The following TP53BP1 variants were observed in gnomAD, a reference collection of about 807,000 sequenced individuals.
TP53BP1 encodes the protein TP53-binding protein 1.
TP53BP1 carries 61 observed loss-of-function variants against 200.8 expected under a neutral mutation model. The observed-to-expected ratio is 0.30, with a 90% confidence interval of 0.25 to 0.38. The LOEUF is 0.38. TP53BP1 is among the 10% of genes least tolerant of loss of function. The pLI is 1.00. For synonymous variants in TP53BP1, 822 were observed against 844.3 expected (o/e 0.97, Z 0.46); for missense variants, 2,144 against 2,371.9 (o/e 0.90, Z 2.00).
chr15:43,481,476 C>CAG lies in TP53BP1; in HGVS notation c.372-455_372-454insCT, dbSNP rs534817113. 5.4e-4 allele frequency among the ~76,000 whole-genome samples: 81 copies of CAG among 151,084 alleles called. 2 individuals carry two copies. The East Asian group carries it at 0.016, about 29-fold the overall frequency. On this transcript the variant is annotated intron_variant, in intron 4 of 27. Transcript: ENST00000382044. ...GTATATAAATACACACACACACACA[C>CAG]ACACACACACACACACTTTTTATTT...
At chr15:43,454,196 T>C (rs1221005491) in intron 12 of TP53BP1, among the ~76,000 whole-genome samples, 1 of 150,964 alleles carries the variant, frequency 6.6e-6, no homozygotes, top group African/African-American at 2.4e-5. Flanking sequence ...AGAGCAAGAC[T>C]CCACATCTCA....
chr15:43,509,876 CA>C (rs373145185), intron 1 of TP53BP1, among the ~76,000 whole-genome samples: 1 of 151,716 alleles, frequency 6.6e-6, no homozygotes, highest in South Asian at 2.1e-4. Context: ...AACAAAAAAA[CA>C]AAAAAACAAG....
At chr15:43,483,713 G>A (rs544590881) in intron 4 of TP53BP1, among the ~76,000 whole-genome samples, 1 of 152,304 alleles carries the variant, frequency 6.6e-6, no homozygotes, top group Admixed American at 6.5e-5. Flanking sequence ...GGAAGGACCA[G>A]ATAAATGACT....
intron 18 of TP53BP1, among the ~76,000 whole-genome samples, chr15:43,425,307 C>T (rs2045502270): frequency 6.6e-6 from 1 of 152,178 alleles, no homozygotes; most frequent in Non-Finnish European, 1.5e-5. Context: ...CAGAAATATA[C>T]TTTAGAAAGC....
In TP53BP1 at chr15:43,420,301, T is replaced by C; in HGVS notation, c.4681+4A>G. 6.2e-7 allele frequency: 1 copy of C among 1,610,716 alleles called. No individual in the cohort carries two copies. Among genetic ancestry groups the C allele is most frequent in the Admixed American group, 1.7e-5 (1 of 59,808 alleles). On this transcript the variant is annotated splice_donor_region_variant and intron_variant, in intron 21 of 27. Transcript: ENST00000382044. ...ATCTCTACAAACTCTGCTTCTTTCATTACCTGCACTGAAATACTCATCCTC... is the reference window on the plus strand; with the variant it reads ...ATCTCTACAAACTCTGCTTCTTTCACTACCTGCACTGAAATACTCATCCTC...
rs371521709 is a variant in TP53BP1, at chr15:43,407,381, C to T, written c.*2G>A. On this transcript the variant is annotated 3_prime_UTR_variant, in exon 28 of 28. Transcript: ENST00000382044. ...GAATAAAACCAGTAAGACCAAGTAT[C>T]TTTAGTGAGAAACATAATCGTGTTT... 6.2e-7 allele frequency: 1 copy of T among 1,613,788 alleles called. No individual in the cohort carries two copies. Among genetic ancestry groups the T allele is most frequent in the Non-Finnish European group, 8.5e-7 (1 of 1,179,812 alleles).
At chr15:43,481,928 TTAAAA>T (rs1461068643) in intron 4 of TP53BP1, among the ~76,000 whole-genome samples, 2 of 151,788 alleles carry the variant, frequency 1.3e-5, no homozygotes, top group Non-Finnish European at 2.9e-5. Context: ...CCATATATTT[TTAAAA>T]TAAGTTAACA....
chr15:43,453,193 CAAAAAAAAAAA>C (rs34555611), intron 12 of TP53BP1, among the ~76,000 whole-genome samples: 4 of 41,430 alleles, frequency 9.7e-5, no homozygotes, highest in Admixed American at 6.1e-4. Context: ...GACTCCGTCT[CAAAAAAAAAAA>C]AAAAAAAAAA....
chr15:43,505,296 G>A (rs1403348467), intron 1 of TP53BP1, among the ~76,000 whole-genome samples: 1 of 152,120 alleles, frequency 6.6e-6, no homozygotes, highest in African/African-American at 2.4e-5. Context: ...TGAAAACTAA[G>A]TTATATAGTT....
intron 4 of TP53BP1, among the ~76,000 whole-genome samples, chr15:43,484,771 G>T (rs1452628680): frequency 6.2e-5 from 9 of 145,916 alleles, no homozygotes; most frequent in African/African-American, 2.1e-4. Context: ...TTTTTTTTAA[G>T]ATATGGTCTC....
At chr15:43,506,310 C>T (rs2079236568) in intron 1 of TP53BP1, among the ~76,000 whole-genome samples, 1 of 152,192 alleles carries the variant, frequency 6.6e-6, no homozygotes. Flanking sequence ...AGATGCCCTT[C>T]CCACTTTGTT....
chr15:43,499,861 TTACAATC>T (rs766947537), intron 1 of TP53BP1, among the ~76,000 whole-genome samples: 3 of 152,094 alleles, frequency 2.0e-5, no homozygotes, highest in Non-Finnish European at 4.4e-5. Context: ...TTCAAAGAAT[TTACAATC>T]TAGGAAGGAG....
At chr15:43,489,524 G>A (rs1386111234) in intron 4 of TP53BP1, among the ~76,000 whole-genome samples, 1 of 152,192 alleles carries the variant, frequency 6.6e-6, no homozygotes, top group East Asian at 1.9e-4. Flanking sequence ...AAAAGCACAA[G>A]CACTATGATA....
At chr15:43,410,136 A>G (rs1232655892) in intron 24 of TP53BP1, among the ~76,000 whole-genome samples, 1 of 152,086 alleles carries the variant, frequency 6.6e-6, no homozygotes, top group East Asian at 1.9e-4. Context: ...ACTAAACCCC[A>G]TTTCCTCTAG....
chr15:43,446,481 A>T lies in TP53BP1; in HGVS notation c.2946T>A (p.Ala982=). 1 of 1,614,078 alleles carries T rather than the reference A, an allele frequency of 6.2e-7. No individual in the cohort carries two copies. Among genetic ancestry groups the T allele is most frequent in the Non-Finnish European group, 8.5e-7 (1 of 1,179,942 alleles). ...ILGSGKGDSG[A]APDVDDKLCL... is the part of the protein sequence containing the mutation. Reference sequence around the variant, plus strand: ...ATAATTTATCATCCACGTCTGGGGCAGCCCCAGAATCCCCTTTTCCACTCC... The same window carrying T: ...ATAATTTATCATCCACGTCTGGGGCTGCCCCAGAATCCCCTTTTCCACTCC... Residue 982 remains alanine, a synonymous_variant, in exon 14 of 28, where the codon GCT becomes GCA. Transcript: ENST00000382044.
intron 11 of TP53BP1, among the ~76,000 whole-genome samples, chr15:43,458,394 G>A (rs1450731413): frequency 6.6e-6 from 1 of 151,716 alleles, no homozygotes; most frequent in African/African-American, 2.4e-5. Flanking sequence ...AGCTGAGATC[G>A]TGACATTGTA....
At position 43,456,735 on chromosome 15, in the gene TP53BP1, T is replaced by G; in HGVS notation, c.1873A>C (p.Thr625Pro). ...TVAEDVCIDL[T>P]CDSGSQAVPS... is the part of the protein sequence containing the mutation. ...ACTGCCTGACTCCCCGAATCACAAG[T>G]GAGATCAATACAAACATCTTCTGCT... Residue 625 changes from threonine (T) to proline (P), a missense_variant, in exon 12 of 28, where the codon ACT becomes CCT. By Grantham distance (38) the Thr-to-Pro change is conservative (BLOSUM62 -1). Transcript: ENST00000382044. The G allele has an allele frequency of 6.2e-7, 1 of 1,614,144 alleles. No homozygotes were observed. The highest frequency in any genetic ancestry group is 8.5e-7 in the Non-Finnish European group (1 of 1,180,032).
At chr15:43,443,512 C>T (rs533243872) in intron 14 of TP53BP1, among the ~76,000 whole-genome samples, 4 of 151,746 alleles carry the variant, frequency 2.6e-5, no homozygotes, top group South Asian at 4.2e-4. Flanking sequence ...GCTAACATGG[C>T]GAAGCCCCAT....
intron 12 of TP53BP1, among the ~76,000 whole-genome samples, chr15:43,453,242 A>C (rs1443919677): frequency 6.6e-6 from 1 of 151,756 alleles, no homozygotes; most frequent in Admixed American, 6.6e-5. Context: ...ACTATATTAA[A>C]ACAATCAAAG....
Sources: gnomAD v4.1 joint callset for allele counts (sites outside exome capture counted in the v4.1 genomes callset) on GRCh38, gnomAD v4.1.1 for gene constraint, MANE v1.5 for transcripts, NCBI Gene and HGNC (gene_info 2026-07-23, HGNC 2026-07-21) for gene names.